Variants in ADAMTS18 observed in about 807,000 individuals in gnomAD.
The protein encoded by ADAMTS18 is ADAM metallopeptidase with thrombospondin type 1 motif 18.
Under a neutral mutation model 165.9 loss-of-function variants are expected in ADAMTS18, and 157 were observed. The ratio of observed to expected loss-of-function variants is 0.95; its 90% CI spans 0.83 to 1.08. ADAMTS18 has a LOEUF of 1.08. ADAMTS18 is among the 50% of genes least tolerant of loss of function. The pLI is 0.00. For missense variants in ADAMTS18, 2,040 were observed against 1,534.0 expected (o/e 1.33, Z -5.51); for synonymous variants, 782 against 578.2 (o/e 1.35, Z -5.06).
intron 10 of ADAMTS18, among the ~76,000 whole-genome samples, chr16:77,347,411 G>A (rs1490194135): frequency 6.6e-6 from 1 of 152,114 alleles, no homozygotes; most frequent in Non-Finnish European, 1.5e-5. Flanking sequence ...TATACCACTT[G>A]ACACACTCAT....
chr16:77,315,123 G>C (rs1340888324), intron 16 of ADAMTS18, among the ~76,000 whole-genome samples: 3 of 151,788 alleles, frequency 2.0e-5, no homozygotes, highest in Non-Finnish European at 4.4e-5. Context: ...ACTACTCTTG[G>C]AGACTAATCC....
intron 17 of ADAMTS18, among the ~76,000 whole-genome samples, chr16:77,297,951 G>A (rs924532017): frequency 8.9e-6 from 1 of 111,800 alleles, no homozygotes; most frequent in South Asian, 3.1e-4. Flanking sequence ...TTGAGATGGA[G>A]TCTCATTCTG....
chr16:77,430,063 A>G (rs996910815), intron 3 of ADAMTS18, among the ~76,000 whole-genome samples: 3 of 152,142 alleles, frequency 2.0e-5, no homozygotes, highest in African/African-American at 7.2e-5. Context: ...GGGTTGTGTA[A>G]ACTCCTCCTT....
In ADAMTS18 at chr16:77,294,933, G is replaced by C. The variant is rs1388056647; in HGVS notation, c.2996C>G (p.Pro999Arg). The C allele has an allele frequency of 1.2e-6, 2 of 1,614,098 alleles. No homozygotes were observed. The highest frequency in any genetic ancestry group is 2.2e-5 in the South Asian group (2 of 91,074). ...GTTTTCTCCTGTTACCTGAGACCAG[G>C]GTCCAAGGCTCCATTGTGGAGGGCA... Reference protein sequence around the residue: ...HACPPQWSLGPWSQCSKTCGR... With the variant: ...HACPPQWSLGRWSQCSKTCGR... The change falls in exon 19 of 23, where the codon CCC becomes CGC. Residue 999 changes from proline (P) to arginine (R), a missense_variant. Physicochemically the swap from Pro to Arg is moderately radical, Grantham distance 103. Transcript: ENST00000282849.
intron 12 of ADAMTS18, among the ~76,000 whole-genome samples, chr16:77,328,091 G>C (rs1381565742): frequency 6.6e-6 from 1 of 152,134 alleles, no homozygotes; most frequent in Non-Finnish European, 1.5e-5. Context: ...TTCCAGAGTA[G>C]ACAATTCCAT....
intron 3 of ADAMTS18, among the ~76,000 whole-genome samples, chr16:77,421,449 C>G (rs2057601684): frequency 6.6e-6 from 1 of 152,192 alleles, no homozygotes; most frequent in South Asian, 2.1e-4. Context: ...TATCATTAGG[C>G]CTGTTTATAT....
chr16:77,368,967 G>A (rs1385876747), intron 3 of ADAMTS18, among the ~76,000 whole-genome samples: 2 of 152,178 alleles, frequency 1.3e-5, no homozygotes, highest in African/African-American at 4.8e-5. Context: ...ATGCACCCTT[G>A]TCTTTCTTTC....
At chr16:77,299,997 T>A (rs2055549571) in intron 17 of ADAMTS18, 1 of 318,950 alleles carries the variant, frequency 3.1e-6, no homozygotes, top group African/African-American at 2.1e-5. Flanking sequence ...AATAATTCAA[T>A]ATATTTTATA....
At chr16:77,296,067 G>T (rs1023137680) in intron 18 of ADAMTS18, among the ~76,000 whole-genome samples, 1 of 151,902 alleles carries the variant, frequency 6.6e-6, no homozygotes, top group South Asian at 2.1e-4. Flanking sequence ...TATAAAGATT[G>T]TGTAATACGA....
At chr16:77,382,274 G>A (rs893407709) in intron 3 of ADAMTS18, among the ~76,000 whole-genome samples, 9 of 152,110 alleles carry the variant, frequency 5.9e-5, no homozygotes, top group Middle Eastern at 3.2e-3. Context: ...GCAGTGGCGC[G>A]ATCTCGGCTC....
At chr16:77,346,227 T>C (rs1455796682) in intron 10 of ADAMTS18, among the ~76,000 whole-genome samples, 2 of 152,240 alleles carry the variant, frequency 1.3e-5, no homozygotes, top group African/African-American at 4.8e-5. Flanking sequence ...TTAGCACTTG[T>C]GGCTTCATTT....
Position 77,320,087 on chromosome 16 carries a change from T to A in ADAMTS18, c.2294A>T (p.Tyr765Phe), listed in dbSNP as rs1356535513. The change falls in exon 16 of 23, where the codon TAT (tyrosine) becomes TTT (phenylalanine). Residue 765 changes from tyrosine to phenylalanine, a missense_variant. By Grantham distance (22) the Tyr-to-Phe change is conservative. Transcript: ENST00000282849. ...YLNQHKANEY[Y>F]PVVLIPAGAR... Reference sequence around the variant, plus strand: ...GCCAGCTGGAATGAGGACCACCGGATAATATTCTAAATGGAAAGAAGAGAA... The same window carrying A: ...GCCAGCTGGAATGAGGACCACCGGAAAATATTCTAAATGGAAAGAAGAGAA... 1 of 1,613,962 alleles carries A rather than the reference T, an allele frequency of 6.2e-7. No homozygotes were observed. The highest frequency in any genetic ancestry group is 1.3e-5 in the African/African-American group (1 of 74,898).
chr16:77,295,054 C>T lies in ADAMTS18; in HGVS notation c.2875G>A (p.Val959Met). 1 of 1,614,192 alleles carries T rather than the reference C, an allele frequency of 6.2e-7. No individual in the cohort carries two copies. Among genetic ancestry groups the T allele is most frequent in the Non-Finnish European group, 8.5e-7 (1 of 1,180,034 alleles). Residue 959 changes from valine (V) to methionine (M), a missense_variant, in exon 19 of 23, where the codon GTG (valine) becomes ATG (methionine). Coordinates refer to ENST00000282849, the MANE Select transcript of ADAMTS18 (RefSeq NM_199355.4). ...TCCTTTTGGAAGGGCTTCTTTTGCA[C>T]ACACTGGATCTTTCGGCTCTGCTGG... ...GGQQSRKIQC[V>M]QKKPFQKEEA...
At position 77,321,066 on chromosome 16, in the gene ADAMTS18, C is replaced by T; in HGVS notation, c.2287+13G>A. 1 of 1,614,134 alleles carries T rather than the reference C, an allele frequency of 6.2e-7. No individual in the cohort carries two copies. The highest frequency in any genetic ancestry group is 8.5e-7 in the Non-Finnish European group (1 of 1,179,996). ...GTATCTCATTAACAATAACAAACAG[C>T]AGCATCTCTCACCATTTGCTTTATG... On this transcript the variant is annotated intron_variant, in intron 15 of 22. Transcript: ENST00000282849.
At chr16:77,341,611 C>T in intron 11 of ADAMTS18, 93 bp downstream of exon 11, 4 of 998,768 alleles carry the variant, frequency 4.0e-6, no homozygotes, top group South Asian at 2.7e-5. Flanking sequence ...TATAAACTAC[C>T]AAAGCATTCA....
intron 20 of ADAMTS18, 137 bp downstream of exon 20, chr16:77,292,939 C>T: frequency 1.0e-6 from 1 of 1,002,668 alleles, no homozygotes; most frequent in Non-Finnish European, 1.5e-6. Context: ...CCTGCCTCAG[C>T]CTCCCCAGTA....
At chr16:77,325,841 T>C (rs771385479) in intron 13 of ADAMTS18, 25 bp downstream of exon 13, 3 of 1,598,184 alleles carry the variant, frequency 1.9e-6, no homozygotes, top group South Asian at 1.1e-5. Flanking sequence ...AGAGACTTAT[T>C]TGAATGTCAT....
chr16:77,356,024 T>G lies in ADAMTS18; in HGVS notation c.1376A>C (p.Asn459Thr). The stretch of plus-strand genomic sequence containing the variant: ...TCCGGTCAGTGTGGGAGACATGATA[T>G]TGCCTTCAGCCTTTCTGCAGGGATT... ...EGNPCRKAEGNIMSPTLTGNN... is the reference protein window; with the variant it reads ...EGNPCRKAEGTIMSPTLTGNN... The change falls in exon 9 of 23, where the codon AAT (asparagine) becomes ACT (threonine). Residue 459 changes from asparagine (N) to threonine (T), a missense_variant. Coordinates refer to ENST00000282849, the MANE Select transcript of ADAMTS18 (RefSeq NM_199355.4). 1 of 1,614,080 alleles carries G rather than the reference T, an allele frequency of 6.2e-7. No individual in the cohort carries two copies. Among genetic ancestry groups the G allele is most frequent in the Non-Finnish European group, 8.5e-7 (1 of 1,179,974 alleles).
chr16:77,387,465 C>G (rs939587860), intron 3 of ADAMTS18, among the ~76,000 whole-genome samples: 26 of 152,324 alleles, frequency 1.7e-4, no homozygotes, highest in Non-Finnish European at 2.6e-4. Flanking sequence ...GAAACAATCT[C>G]AAAATGCACT....
Sources: gnomAD v4.1 joint callset for allele counts (sites outside exome capture counted in the v4.1 genomes callset) on GRCh38, gnomAD v4.1.1 for gene constraint, MANE v1.5 for transcripts, NCBI Gene and HGNC (gene_info 2026-07-23, HGNC 2026-07-21) for gene names.